CTNNA3: variants seen among roughly 807,000 people sequenced by gnomAD.
CTNNA3 encodes catenin alpha-3.
Under a neutral mutation model 95.7 loss-of-function variants are expected in CTNNA3, and 76 were observed. The observed-to-expected ratio is 0.79, with a 90% CI of 0.66 to 0.96. The LOEUF (loss-of-function observed/expected upper bound fraction) is 0.96, where lower values mean the gene tolerates loss of function less well. Among genes scored for constraint, CTNNA3 ranks in the 40% least tolerant of loss-of-function variants. The pLI is 0.00. For missense variants in CTNNA3, 1,191 were observed against 1,089.8 expected, an observed-to-expected ratio of 1.09 and a Z score of -1.31; for synonymous variants, 431 against 374.4, an observed-to-expected ratio of 1.15 and a Z score of -1.74.
At chr10:67,372,048 T>C (rs1319812967) in intron 5 of CTNNA3, among the ~76,000 whole-genome samples, 1 of 152,242 alleles carries the variant, frequency 6.6e-6, no homozygotes, top group African/African-American at 2.4e-5. Flanking sequence ...TGTCTGTTCA[T>C]ATCTTTCGCC....
At chr10:67,323,478 TTCTC>T (rs1258843134) in intron 5 of CTNNA3, among the ~76,000 whole-genome samples, 2 of 152,202 alleles carry the variant, frequency 1.3e-5, no homozygotes, top group African/African-American at 4.8e-5. Flanking sequence ...AGGGAATCCT[TTCTC>T]TATTGCTTGT....
chr10:65,928,334 G>A (rs1349722508), intron 17 of CTNNA3, among the ~76,000 whole-genome samples: 1 of 152,016 alleles, frequency 6.6e-6, no homozygotes, highest in African/African-American at 2.4e-5. Context: ...TCATTTCTAT[G>A]TCTATCTTTA....
chr10:67,615,731 T>C (rs2133398082), intron 2 of CTNNA3, among the ~76,000 whole-genome samples: 1 of 150,718 alleles, frequency 6.6e-6, no homozygotes, highest in South Asian at 2.1e-4. Context: ...GGTGCTATCT[T>C]GGCTCACTGC....
At chr10:66,367,879 TA>T (rs869123977) in intron 12 of CTNNA3, among the ~76,000 whole-genome samples, 454 of 8,490 alleles carry the variant, frequency 0.053, 5 homozygotes, top group African/African-American at 0.12. Flanking sequence ...ATAATAATAA[TA>T]ATTATTATTA....
intron 10 of CTNNA3, among the ~76,000 whole-genome samples, chr10:66,577,931 T>C (rs1162932666): frequency 6.6e-6 from 1 of 152,036 alleles, no homozygotes; most frequent in Non-Finnish European, 1.5e-5. Context: ...ACTTTAACAA[T>C]TCTGATTCTT....
At chr10:66,415,771 A>T (rs935968521) in intron 11 of CTNNA3, among the ~76,000 whole-genome samples, 1 of 152,180 alleles carries the variant, frequency 6.6e-6, no homozygotes, top group Non-Finnish European at 1.5e-5. Context: ...GGGAGACTAC[A>T]CTAATTCATG....
chr10:66,520,513 A>G, intron 11 of CTNNA3, 104 bp downstream of exon 11: 2 of 1,025,836 alleles, frequency 1.9e-6, no homozygotes, highest in Non-Finnish European at 2.7e-6. Flanking sequence ...CGGCTTCCCA[A>G]AGTGTTGGCA....
chr10:66,801,945 T>C (rs897403898), intron 7 of CTNNA3, among the ~76,000 whole-genome samples: 3 of 151,780 alleles, frequency 2.0e-5, no homozygotes, highest in Non-Finnish European at 4.4e-5. Context: ...AAGAGATTCA[T>C]ATTTACATGG....
intron 16 of CTNNA3, among the ~76,000 whole-genome samples, chr10:65,968,809 G>A (rs949099047): frequency 1.3e-5 from 2 of 152,168 alleles, no homozygotes; most frequent in Admixed American, 6.5e-5. Flanking sequence ...TTGAGGACAA[G>A]AAAGCTTCCC....
rs140377428 is a variant in CTNNA3 at position 66,183,068 on chromosome 10, T to G, written c.1885-79819A>C. Among the ~76,000 whole-genome samples the G allele has an allele frequency of 2.6e-3, 399 of 152,254 alleles. 1 individual carries two copies. The highest frequency in any genetic ancestry group is 9.2e-3 in the African/African-American group (384 of 41,546). ...GAAGAAATCCATCAAGAAAGGGGAT[T>G]TATATTCCAAAATCACAAAATGGCT... On this transcript the variant is annotated intron_variant, in intron 13 of 17. Transcript: ENST00000433211.
Position 66,871,601 on chromosome 10 carries a change from GT to G in CTNNA3, c.1048-96078del, listed in dbSNP as rs1233273624. ...AAAAAAAAAAAGTACTCAACAATAT[GT>G]TTTTCTAATATTAAGTACATATGGA... On this transcript the variant is annotated intron_variant, in intron 7 of 17. Coordinates refer to ENST00000433211, the MANE Select transcript of CTNNA3 (RefSeq NM_013266.4). Among the ~76,000 whole-genome samples the G allele has an allele frequency of 2.1e-5, 3 of 144,368 alleles. No individual in the cohort carries two copies. In the East Asian group the frequency reaches 6.1e-4, roughly 29 times the overall value. The allele number at this position is 144,368 out of a possible 152,430, so 94.7% of individuals were successfully genotyped here.
chr10:66,346,852 C>T (rs1466476597), intron 12 of CTNNA3, among the ~76,000 whole-genome samples: 1 of 151,854 alleles, frequency 6.6e-6, no homozygotes, highest in Non-Finnish European at 1.5e-5. Context: ...GTGTGAAAGA[C>T]ATTGGGCATC....
At chr10:67,011,296 A>G (rs10822958) in intron 7 of CTNNA3, among the ~76,000 whole-genome samples, 135,879 of 150,496 alleles carry the variant, frequency 0.9, 61,776 homozygotes, top group South Asian at 0.97. Flanking sequence ...AGCCAAGATC[A>G]TGCCACTGCA....
At chr10:65,950,157 AACACAC>A (rs377580361) in intron 17 of CTNNA3, among the ~76,000 whole-genome samples, 1 of 150,326 alleles carries the variant, frequency 6.7e-6, no homozygotes, top group South Asian at 2.1e-4. Flanking sequence ...TTTGCTAGGG[AACACAC>A]ACACACACAC....
intron 3 of CTNNA3, among the ~76,000 whole-genome samples, chr10:67,541,107 A>G (rs981888166): frequency 2.6e-5 from 4 of 151,970 alleles, no homozygotes; most frequent in Non-Finnish European, 5.9e-5. Flanking sequence ...ATATAATACT[A>G]TAAAGAACGT....
intron 3 of CTNNA3, among the ~76,000 whole-genome samples, chr10:67,568,740 G>C (rs895493703): frequency 6.6e-6 from 1 of 151,992 alleles, no homozygotes; most frequent in African/African-American, 2.4e-5. Flanking sequence ...CCTAAGTAAC[G>C]GGTCAGCTCC....
chr10:66,857,426 T>A (rs1424998477), intron 7 of CTNNA3, among the ~76,000 whole-genome samples: 2 of 152,114 alleles, frequency 1.3e-5, no homozygotes, highest in East Asian at 3.9e-4. Context: ...TTAAAATAGT[T>A]TTTTGTAATT....
intron 7 of CTNNA3, among the ~76,000 whole-genome samples, chr10:67,112,612 C>T (rs61866862): frequency 0.087 from 11,700 of 134,416 alleles, 589 homozygotes; most frequent in Middle Eastern, 0.15. Context: ...AGACTTCATT[C>T]GTTTTTCATT....
chr10:66,067,538 T>C (rs2080337525), intron 15 of CTNNA3, among the ~76,000 whole-genome samples: 2 of 152,208 alleles, frequency 1.3e-5, no homozygotes. Context: ...ACTTGGTAAA[T>C]AAATTTATAT....
Sources: gnomAD v4.1 joint callset for allele counts (sites outside exome capture counted in the v4.1 genomes callset) on GRCh38, gnomAD v4.1.1 for gene constraint, MANE v1.5 for transcripts, NCBI Gene and HGNC (gene_info 2026-07-23, HGNC 2026-07-21) for gene names.